SHROOM4: variants seen among roughly 807,000 people sequenced by gnomAD.
The protein encoded by SHROOM4 is protein Shroom4.
SHROOM4 carries 17 observed loss-of-function variants against 80.3 expected under a neutral mutation model. That is an observed-to-expected ratio of 0.21 (90% CI 0.14 to 0.32). The LOEUF is 0.32. Ranked by LOEUF, SHROOM4 falls within the 10% of genes least tolerant of loss-of-function variation. SHROOM4 has a pLI of 1.00. For synonymous variants in SHROOM4, 400 were observed against 437.5 expected, an observed-to-expected ratio of 0.91 and a Z score of 1.07; for missense variants, 993 against 1,140.3, an observed-to-expected ratio of 0.87 and a Z score of 1.86.
intron 1 of SHROOM4, among the ~76,000 whole-genome samples, chrX:50,766,335 G>A (rs973404396): frequency 9.0e-6 from 1 of 110,630 alleles, no homozygotes; most frequent in Admixed American, 9.7e-5. Flanking sequence ...GAAAGAGGGC[G>A]AACAAGAGAC....
intron 1 of SHROOM4, among the ~76,000 whole-genome samples, chrX:50,697,395 C>T (rs1281889869): frequency 2.7e-5 from 3 of 111,499 alleles, no homozygotes; most frequent in Non-Finnish European, 5.6e-5. Context: ...CCATCTATCC[C>T]CACACCATGG....
intron 1 of SHROOM4, among the ~76,000 whole-genome samples, chrX:50,730,751 G>A (rs1229267021): frequency 9.4e-6 from 1 of 105,832 alleles, no homozygotes; most frequent in Non-Finnish European, 1.9e-5. Flanking sequence ...CTCCAGCCTG[G>A]GTGATAAAGC....
chrX:50,683,420 T>G (rs187343398), intron 2 of SHROOM4, among the ~76,000 whole-genome samples: 183 of 111,398 alleles, frequency 1.6e-3, no homozygotes, highest in African/African-American at 5.9e-3. Flanking sequence ...ATGATGAGAT[T>G]TGCATTTTAA....
chrX:50,648,081 G>A (rs782690153), intron 2 of SHROOM4, among the ~76,000 whole-genome samples: 22 of 112,161 alleles, frequency 2.0e-4, no homozygotes, highest in Admixed American at 1.1e-3. Flanking sequence ...TGACTTGGCT[G>A]ATGGATTTGT....
In SHROOM4 at chrX:50,622,245, T is replaced by C. The variant is rs782387681; in HGVS notation, c.2957+5369A>G. On this transcript the variant is annotated intron_variant, in intron 5 of 8. Coordinates refer to ENST00000376020, the MANE Select transcript of SHROOM4 (RefSeq NM_020717.5). ...TTCCTCATCAGTAAAACGGGAAAAA[T>C]AAGGTTTAACCTCAGTGTTGTTGTG... Among the ~76,000 whole-genome samples the C allele has an allele frequency of 6.3e-5, 7 of 111,192 alleles. No individual in the cohort carries two copies. The East Asian group carries it at 1.7e-3, about 27-fold the overall frequency.
the SHROOM4 span, among the ~76,000 whole-genome samples, chrX:50,576,695 A>C: frequency 9.0e-6 from 1 of 110,554 alleles, no homozygotes; most frequent in Non-Finnish European, 1.9e-5. Context: ...TCACTTCAAT[A>C]TTTTTAAAAA....
At position 50,669,008 on chromosome X, in the gene SHROOM4, T is replaced by G. The variant is rs782259589; in HGVS notation, c.269+26778A>C. Among the ~76,000 whole-genome samples, 3 of 112,637 alleles carry G rather than the reference T, an allele frequency of 2.7e-5. No homozygotes were observed. In the East Asian group the frequency reaches 8.4e-4, roughly 32 times the overall value. On this transcript the variant is annotated intron_variant, in intron 2 of 8. Coordinates refer to ENST00000376020, the MANE Select transcript of SHROOM4 (RefSeq NM_020717.5). ...GTCTATTAAGTGTAGAATAGCATCA[T>G]GCCTAAAAACAATGTACAAACCTTG...
intron 1 of SHROOM4, among the ~76,000 whole-genome samples, chrX:50,759,472 C>T (rs782409598): frequency 8.9e-6 from 1 of 111,850 alleles, no homozygotes; most frequent in African/African-American, 3.2e-5. Flanking sequence ...TGCTAGCAAA[C>T]GATCAATTTT....
downstream of SHROOM4, among the ~76,000 whole-genome samples, chrX:50,584,368 G>A (rs1385999534): frequency 1.8e-5 from 2 of 112,171 alleles, no homozygotes; most frequent in African/African-American, 6.5e-5. Context: ...CAGATAATGA[G>A]GTTGAAGCTG....
chrX:50,795,072 T>TG (rs1557271925), intron 1 of SHROOM4, among the ~76,000 whole-genome samples: 1 of 69,962 alleles, frequency 1.4e-5, no homozygotes, highest in African/African-American at 6.4e-5. Flanking sequence ...GATATATATA[T>TG]ATGATATATA....
intron 2 of SHROOM4, among the ~76,000 whole-genome samples, chrX:50,687,943 CAT>C (rs1933117890): frequency 9.2e-6 from 1 of 109,242 alleles, no homozygotes; most frequent in Non-Finnish European, 1.9e-5. Flanking sequence ...TCCTATGTGT[CAT>C]AGAGTGTACT....
chrX:50,752,956 T>C (rs1349258162), intron 1 of SHROOM4, among the ~76,000 whole-genome samples: 1 of 112,078 alleles, frequency 8.9e-6, no homozygotes, highest in Non-Finnish European at 1.9e-5. Context: ...CTCACTTATA[T>C]AGTTATACAT....
Position 50,611,325 on chromosome X carries a change from T to C in SHROOM4, c.2958-3141A>G, listed in dbSNP as rs1436849782. ...TACCGCGCCCGGCTAATTTTTTTTG[T>C]ATTTTTAGTAGAGACGGGGTTTCAC... On this transcript the variant is annotated intron_variant, in intron 5 of 8. Coordinates refer to ENST00000376020, the MANE Select transcript of SHROOM4 (RefSeq NM_020717.5). 2.7e-5 allele frequency among the ~76,000 whole-genome samples: 3 copies of C among 109,187 alleles called. No individual in the cohort carries two copies. The East Asian group carries it at 8.8e-4, about 32-fold the overall frequency. 94.8% of individuals were successfully genotyped at this position (109,187 alleles called of 115,157 possible). A position where few individuals can be genotyped will look rare whatever the true frequency, so the allele number is the denominator to read the frequency against.
In SHROOM4 at chrX:50,801,282, G is replaced by GAGAGAGAGAGAGAGAGAGAGAT. The variant is rs1487666030; in HGVS notation, c.117+12619_117+12620insATCTCTCTCTCTCTCTCTCTCT. ...AAGAGGAGAGAGAGAGAGAGAGAGA[G>GAGAGAGAGAGAGAGAGAGAGAT]AGAGAGAGAACACGTACTGCCAGCA... On this transcript the variant is annotated intron_variant, in intron 1 of 8. Coordinates refer to ENST00000376020, the MANE Select transcript of SHROOM4 (RefSeq NM_020717.5). Among the ~76,000 whole-genome samples, 255 of 106,993 alleles carry GAGAGAGAGAGAGAGAGAGAGAT rather than the reference G, an allele frequency of 2.4e-3. 2 individuals carry two copies. The highest frequency in any genetic ancestry group is 8.5e-3 in the African/African-American group (249 of 29,158). The allele number at this position is 106,993 out of a possible 115,157, so 92.9% of individuals were successfully genotyped here.
chrX:50,730,586 G>A (rs1198687449), intron 1 of SHROOM4, among the ~76,000 whole-genome samples: 1 of 110,309 alleles, frequency 9.1e-6, no homozygotes, highest in Non-Finnish European at 1.9e-5. Context: ...GAACAGCCTG[G>A]CCAACATGGC....
In SHROOM4 at chrX:50,587,651, T is replaced by A. The variant is rs1209146388; in HGVS notation, c.*9044A>T. Among the ~76,000 whole-genome samples, 1 of 112,231 alleles carries A rather than the reference T, an allele frequency of 8.9e-6. No individual in the cohort carries two copies. Among genetic ancestry groups the A allele is most frequent in the East Asian group, 2.8e-4 (1 of 3,588 alleles). ...TTGTATATTTATACTTATCTATCTC[T>A]TTCATTAGGATAAAAGCCCCACGAG... On this transcript the variant is annotated 3_prime_UTR_variant, in exon 9 of 9. Coordinates refer to ENST00000376020, the MANE Select transcript of SHROOM4 (RefSeq NM_020717.5).
intron 1 of SHROOM4, among the ~76,000 whole-genome samples, chrX:50,738,595 T>C (rs1934560864): frequency 1.8e-5 from 2 of 110,896 alleles, no homozygotes; most frequent in South Asian, 7.7e-4. Context: ...TCAAAGAGAA[T>C]AAAATACCTA....
chrX:50,736,042 A>G, intron 1 of SHROOM4, among the ~76,000 whole-genome samples: 1 of 109,740 alleles, frequency 9.1e-6, no homozygotes, highest in Non-Finnish European at 1.9e-5. Flanking sequence ...GATGGTTGAC[A>G]TAATTAGCCA....
At chrX:50,701,287 C>G (rs1205716322) in intron 1 of SHROOM4, among the ~76,000 whole-genome samples, 2 of 111,888 alleles carry the variant, frequency 1.8e-5, no homozygotes, top group African/African-American at 3.3e-5. Context: ...AGAGCACTGT[C>G]CCCTATGTCA....
Sources: gnomAD v4.1 joint callset for allele counts (sites outside exome capture counted in the v4.1 genomes callset) on GRCh38, gnomAD v4.1.1 for gene constraint, MANE v1.5 for transcripts, NCBI Gene and HGNC (gene_info 2026-07-23, HGNC 2026-07-21) for gene names.